INAVA: variants seen among roughly 807,000 people sequenced by gnomAD.
The protein encoded by INAVA is innate immunity activator, also known as innate immunity activator protein.
A neutral mutation model predicts 55.3 loss-of-function variants in INAVA; 32 were observed. That is an observed-to-expected ratio of 0.58 (90% CI 0.44 to 0.78). The LOEUF is 0.78. Ranked by LOEUF, INAVA falls within the 30% of genes least tolerant of loss-of-function variation. The probability of loss-of-function intolerance (pLI) is 0.00; values close to 1 mark genes in which losing one functional copy is unlikely to be tolerated. For missense variants in INAVA, 756 were observed against 786.4 expected, an observed-to-expected ratio of 0.96 and a Z score of 0.46; for synonymous variants, 294 against 329.4, an observed-to-expected ratio of 0.89 and a Z score of 1.16.
upstream of INAVA, chr1:200,891,798 T>A (rs1331820513): frequency 2.4e-6 from 2 of 844,520 alleles, no homozygotes; most frequent in Non-Finnish European, 3.4e-6. Flanking sequence ...GAGGGTGCCC[T>A]ACAGGGAATG....
chr1:200,901,377 C>T lies in INAVA; in HGVS notation c.520+218C>T, dbSNP rs61825266. On this transcript the variant is annotated intron_variant, in intron 5 of 9. Coordinates refer to ENST00000413687, the MANE Select transcript of INAVA (RefSeq NM_001142569.3). ...GTCTCCTTAGAAAACACCCTACTCTCTCCTTCCGTATCCTCCTCAAAATAC... is the reference window on the plus strand; with the variant it reads ...GTCTCCTTAGAAAACACCCTACTCTTTCCTTCCGTATCCTCCTCAAAATAC... Among the ~76,000 whole-genome samples the T allele has an allele frequency of 4.3e-3, 654 of 152,364 alleles. 6 individuals are homozygous for T. The highest frequency in any genetic ancestry group is 6.6e-3 in the Non-Finnish European group (448 of 68,032).
chr1:200,911,260 G>A (rs933261835), intron 8 of INAVA, among the ~76,000 whole-genome samples, 193 bp from the exon 9 acceptor site: 3 of 152,152 alleles, frequency 2.0e-5, no homozygotes, highest in Non-Finnish European at 2.9e-5. Context: ...GAAGGAATGC[G>A]TTGGCACCCA....
At chr1:200,898,202 C>T (rs1212180175) in intron 1 of INAVA, 105 bp from the exon 2 acceptor site, 2 of 1,256,850 alleles carry the variant, frequency 1.6e-6, no homozygotes, top group Admixed American at 4.3e-5. Context: ...TCCTGAAGCA[C>T]AGTCCTCCCT....
rs760444212 is a variant in INAVA at position 200,900,216 on chromosome 1, G to A, written c.293G>A (p.Arg98Lys). The change falls in exon 4 of 10, where the codon AGA becomes AAA. Residue 98 changes from arginine to lysine, a missense_variant. By Grantham distance (26) the Arg-to-Lys change is conservative (BLOSUM62 2). Around this residue, in one of 2 missense-constraint regions of INAVA, gnomAD observed 639 missense variants for 624.3 expected, o/e 1.02. Transcript: ENST00000413687. ...AYKLDDWALHREDPLSSLERQ... is the reference protein window; with the variant it reads ...AYKLDDWALHKEDPLSSLERQ... ...AAACTGGATGACTGGGCCTTGCACA[G>A]AGAGGTGAGGAACCTCAGGAAGCTG... 1.9e-6 allele frequency: 3 copies of A among 1,613,648 alleles called. No homozygotes were observed. The highest frequency in any genetic ancestry group is 2.5e-6 in the Non-Finnish European group (3 of 1,179,622).
At position 200,911,493 on chromosome 1, in the gene INAVA, A is replaced by T; in HGVS notation, c.1000A>T (p.Ser334Cys). The change falls in exon 9 of 10, where the codon AGC becomes TGC. Residue 334 changes from serine (S) to cysteine (C), a missense_variant. Physicochemically the swap from Ser to Cys is moderately radical, Grantham distance 112. This residue lies in a region of INAVA where 639 missense variants were observed against 624.3 expected (regional missense o/e 1.02). Coordinates refer to ENST00000413687, the MANE Select transcript of INAVA (RefSeq NM_001142569.3). ...FRAGPEGRGR[S>C]AFPRRRPTHY... is the part of the protein sequence containing the mutation. ...GGCGGGTCCTGAGGGCCGAGGTCGC[A>T]GCGCCTTTCCCCGCCGCCGCCCCAC... 1.2e-6 allele frequency: 2 copies of T among 1,613,492 alleles called. No homozygotes were observed. The highest frequency in any genetic ancestry group is 1.1e-5 in the South Asian group (1 of 91,022).
rs1653122803 is a variant in INAVA at position 200,899,331 on chromosome 1, G to A, written c.56-142G>A. On this transcript the variant is annotated intron_variant, in intron 2 of 9. Coordinates refer to ENST00000413687, the MANE Select transcript of INAVA (RefSeq NM_001142569.3). The stretch of plus-strand genomic sequence containing the variant: ...GCTGTGACACAGGCCACAGCAGCCA[G>A]CCTGCAATTTGTGGGCAGGCATGAG... 3.2e-6 allele frequency: 4 copies of A among 1,260,566 alleles called. No individual in the cohort carries two copies. In the African/African-American group the frequency reaches 4.5e-5, roughly 14 times the overall value. 78.1% of individuals were successfully genotyped at this position (1,260,566 alleles called of 1,614,324 possible). A position where few individuals can be genotyped will look rare whatever the true frequency, so the allele number is the denominator to read the frequency against.
At chr1:200,908,975 G>A (rs1255094284) in intron 7 of INAVA, 35 bp downstream of exon 7, 1 of 1,591,402 alleles carries the variant, frequency 6.3e-7, no homozygotes, top group South Asian at 1.1e-5. Flanking sequence ...GGGCAGGGCA[G>A]GGCAGGGAGT....
At chr1:200,891,597 G>T, upstream of INAVA, 1 of 1,570,058 alleles carries the variant, frequency 6.4e-7, no homozygotes, top group South Asian at 1.2e-5. Context: ...GCCGCAGGGA[G>T]GCTCGGGGGG....
chr1:200,907,013 A>C (rs1653519888), intron 5 of INAVA, among the ~76,000 whole-genome samples: 1 of 151,974 alleles, frequency 6.6e-6, no homozygotes, highest in Non-Finnish European at 1.5e-5. Context: ...TTTTGTAGAG[A>C]CCAGATTTCA....
rs1052492929 is a variant in INAVA, at chr1:200,915,486, C to T, written c.*1857C>T. On this transcript the variant is annotated 3_prime_UTR_variant, in exon 10 of 10. Coordinates refer to ENST00000413687, the MANE Select transcript of INAVA (RefSeq NM_001142569.3). ...TGTGCTTTTCCGGTTTGTCTCTAAG[C>T]CCCTTTCTCCAGGGCATGTTGGTTT... 2.0e-5 allele frequency: 3 copies of T among 151,260 alleles called. No individual in the cohort carries two copies. Among genetic ancestry groups the T allele is most frequent in the Non-Finnish European group, 4.4e-5 (3 of 67,900 alleles). 9.4% of individuals were successfully genotyped at this position (151,260 alleles called of 1,614,324 possible). A position where few individuals can be genotyped will look rare whatever the true frequency, so the allele number is the denominator to read the frequency against.
intron 5 of INAVA, among the ~76,000 whole-genome samples, chr1:200,902,115 C>A (rs979009404): frequency 6.6e-6 from 1 of 151,986 alleles, no homozygotes; most frequent in Non-Finnish European, 1.5e-5. Flanking sequence ...AGGCCGTGGC[C>A]CTGCAAAAAA....
At chr1:200,899,372 T>C in intron 2 of INAVA, 101 bp from the exon 3 acceptor site, 2 of 666,430 alleles carry the variant, frequency 3.0e-6, no homozygotes, top group Non-Finnish European at 2.4e-6. Flanking sequence ...TGTGTGTGTG[T>C]GCATGTGTGT....
chr1:200,894,972 G>A lies in INAVA; in HGVS notation c.-210G>A, dbSNP rs1472041296. On this transcript the variant is annotated 5_prime_UTR_variant, in exon 1 of 10. Coordinates refer to ENST00000413687, the MANE Select transcript of INAVA (RefSeq NM_001142569.3). Reference sequence around the variant, plus strand: ...GGACGGCCAGCAGCTCCGTCAGCTGGAGAGAGAGCACAGGCCTGTGGCTTG... The same window carrying A: ...GGACGGCCAGCAGCTCCGTCAGCTGAAGAGAGAGCACAGGCCTGTGGCTTG... 1.0e-6 allele frequency: 1 copy of A among 985,662 alleles called. No individual in the cohort carries two copies. The highest frequency in any genetic ancestry group is 1.2e-6 in the Non-Finnish European group (1 of 830,136). The allele number at this position is 985,662 out of a possible 1,614,324, so 61.1% of individuals were successfully genotyped here.
In INAVA at chr1:200,899,491, C is replaced by A; in HGVS notation, c.74C>A (p.Ser25Tyr). 1 of 1,614,094 alleles carries A rather than the reference C, an allele frequency of 6.2e-7. No individual in the cohort carries two copies. The highest frequency in any genetic ancestry group is 8.5e-7 in the Non-Finnish European group (1 of 1,180,012). ...ILQSGPDSPVSPMKELTHAVH... is the reference protein window; with the variant it reads ...ILQSGPDSPVYPMKELTHAVH... Reference sequence around the variant, plus strand: ...CTTGCAGGCCCCGACAGCCCGGTCTCCCCAATGAAGGAGCTGACCCATGCA... The same window carrying A: ...CTTGCAGGCCCCGACAGCCCGGTCTACCCAATGAAGGAGCTGACCCATGCA... The change falls in exon 3 of 10, where the codon TCC (serine) becomes TAC (tyrosine). Residue 25 changes from serine (S) to tyrosine (Y), a missense_variant. Physicochemically the swap from Ser to Tyr is moderately radical, Grantham distance 144 (BLOSUM62 -2). Transcript: ENST00000413687.
At chr1:200,904,035 A>G (rs1414395112) in intron 5 of INAVA, among the ~76,000 whole-genome samples, 1 of 151,498 alleles carries the variant, frequency 6.6e-6, no homozygotes, top group African/African-American at 2.4e-5. Context: ...TGTAATAGGC[A>G]CTCTGGATGC....
intron 6 of INAVA, chr1:200,908,433 A>C: frequency 3.4e-6 from 1 of 297,646 alleles, no homozygotes; most frequent in Non-Finnish European, 6.1e-6. Flanking sequence ...ACAAAAGATA[A>C]CTGCAGACAT....
intron 7 of INAVA, 45 bp downstream of exon 7, chr1:200,908,985 T>G (rs759316983): frequency 6.4e-7 from 1 of 1,571,692 alleles, no homozygotes; most frequent in Non-Finnish European, 8.6e-7. Context: ...GGGCAGGGAG[T>G]CGGTGGGAGC....
Position 200,913,607 on chromosome 1 carries a change from GA to G in INAVA, c.1716del (p.Glu573ArgfsTer23). 1 of 1,614,142 alleles carries G rather than the reference GA, an allele frequency of 6.2e-7. No individual in the cohort carries two copies. Among genetic ancestry groups the G allele is most frequent in the East Asian group, 2.2e-5 (1 of 44,872 alleles). On this transcript the variant is annotated frameshift_variant, in exon 10 of 10. Coordinates refer to ENST00000413687, the MANE Select transcript of INAVA (RefSeq NM_001142569.3). LOFTEE classifies it high-confidence loss of function. The part of the protein sequence containing the change: ...APVQVFVPEK[G>X]EIISQV ...GTGCAAGTCTTTGTACCTGAAAAAG[GA>G]GAGATCATCAGCCAGGTGTAACTCT...
Position 200,909,236 on chromosome 1 carries a change from C to A in INAVA, c.798C>A (p.Thr266=). 6.6e-7 allele frequency: 1 copy of A among 1,524,560 alleles called. No individual in the cohort carries two copies. Among genetic ancestry groups the A allele is most frequent in the Non-Finnish European group, 8.8e-7 (1 of 1,132,182 alleles). 94.4% of individuals were successfully genotyped at this position (1,524,560 alleles called of 1,614,324 possible). ...EPWSESSSPA[T]TPQDGPSASS... ...AATCCTTTTGCAGCAGCCCAGCCAC[C>A]ACACCACAGGATGGGCCCAGTGCCT... Residue 266 remains threonine, a synonymous_variant, in exon 8 of 10, where the codon ACC becomes ACA. Transcript: ENST00000413687.
Sources: allele counts gnomAD v4.1 joint callset (sites outside exome capture counted in the v4.1 genomes callset), GRCh38; gene constraint gnomAD v4.1.1; regional missense constraint gnomAD v4.1.1; transcripts MANE v1.5; gene names NCBI Gene and HGNC (gene_info 2026-07-23, HGNC 2026-07-21).